Variants in PHKA2 observed in about 807,000 individuals in gnomAD.
PHKA2 encodes phosphorylase kinase regulatory subunit alpha 2.
Under a neutral mutation model 102.0 loss-of-function variants are expected in PHKA2, and 31 were observed. That is an observed-to-expected ratio of 0.30 (90% CI 0.23 to 0.41). The LOEUF is 0.41. PHKA2 is among the 10% of genes least tolerant of loss of function. The probability of loss-of-function intolerance (pLI) is 1.00; values close to 1 mark genes in which losing one functional copy is unlikely to be tolerated. For synonymous variants in PHKA2, 455 were observed against 416.2 expected (o/e 1.09, Z -1.13); for missense variants, 858 against 1,023.1 (o/e 0.84, Z 2.20).
rs151240321 is a variant in PHKA2, at chrX:18,918,730, C to T, written c.2088G>A (p.Thr696=). 6.5e-5 allele frequency: 79 copies of T among 1,208,974 alleles called. No homozygotes were observed. The highest frequency in any genetic ancestry group is 8.3e-5 in the Non-Finnish European group (74 of 894,164). The stretch of plus-strand genomic sequence containing the variant: ...TTGCCATCACAGAAAGTATGTCCCG[C>T]GTGGAGTGGATAGCACTGAAGACAT... ...DRHVFSAIHS[T]RDILSVMAKA... The change falls in exon 19 of 33, where the codon ACG becomes ACA. Residue 696 remains threonine (T), a synonymous_variant. Coordinates refer to ENST00000379942, the MANE Select transcript of PHKA2 (RefSeq NM_000292.3).
intron 1 of PHKA2, among the ~76,000 whole-genome samples, 194 bp from the exon 2 acceptor site, chrX:18,954,606 A>C (rs2048747802): frequency 8.9e-6 from 1 of 112,308 alleles, no homozygotes; most frequent in African/African-American, 3.2e-5. Flanking sequence ...TAGTTTCCTC[A>C]CTTGTATAAT....
At chrX:18,911,656 C>T (rs928349815) in intron 19 of PHKA2, among the ~76,000 whole-genome samples, 5 of 112,084 alleles carry the variant, frequency 4.5e-5, no homozygotes, top group African/African-American at 1.6e-4. Context: ...CTAACACAAA[C>T]CAACAGAAGG....
chrX:18,902,627 G>A (rs955466034), intron 26 of PHKA2, among the ~76,000 whole-genome samples: 2 of 110,163 alleles, frequency 1.8e-5, no homozygotes, highest in Non-Finnish European at 3.8e-5. Context: ...TGGGCGTGGT[G>A]GCACATGCCT....
At chrX:18,937,479 T>C (rs946071085) in intron 10 of PHKA2, among the ~76,000 whole-genome samples, 11 of 111,433 alleles carry the variant, frequency 9.9e-5, no homozygotes, top group Admixed American at 5.7e-4. Flanking sequence ...CATGCTGTTA[T>C]AGTTGTGGGT....
intron 26 of PHKA2, 103 bp from the exon 27 acceptor site, chrX:18,901,706 T>G (rs1399149659): frequency 1.8e-6 from 1 of 570,586 alleles, no homozygotes. Context: ...GGGCCTTCTC[T>G]GCCTGGCCAG....
chrX:18,897,214 G>A lies in PHKA2; in HGVS notation c.3231C>T (p.Ile1077=), dbSNP rs771359181. 1.2e-5 allele frequency: 14 copies of A among 1,209,506 alleles called. No individual in the cohort carries two copies. The Middle Eastern group carries it at 6.9e-4, about 59-fold the overall frequency. ...GGTAGAATCCCACGGGGACCCTGTT[G>A]ATGGCCCCATCCAGCCTTCTCCTGC... ...WLRRRRLDGA[I]NRVPVGFYQR... Residue 1077 remains isoleucine, a synonymous_variant, in exon 30 of 33, where the codon ATC becomes ATT. Transcript: ENST00000379942.
intron 28 of PHKA2, among the ~76,000 whole-genome samples, chrX:18,899,714 T>C (rs371472738): frequency 7.6e-5 from 8 of 105,649 alleles, no homozygotes; most frequent in African/African-American, 2.8e-4. Flanking sequence ...ACATAAGTAT[T>C]TCCTCGTCTA....
At position 18,972,406 on chromosome X, in the gene PHKA2, T is replaced by C. The variant is rs762342914; in HGVS notation, c.78+11449A>G. 9.5e-4 allele frequency among the ~76,000 whole-genome samples: 107 copies of C among 112,332 alleles called. 1 individual carries two copies. Among genetic ancestry groups the C allele is most frequent in the African/African-American group, 3.3e-3 (103 of 30,948 alleles). On this transcript the variant is annotated intron_variant, in intron 1 of 32. Transcript: ENST00000379942. ...GCCCCTTACTACAGCATGTGAATTTTAGGATCAATTTCCCTGAAAAAGTCT... is the reference window on the plus strand; with the variant it reads ...GCCCCTTACTACAGCATGTGAATTTCAGGATCAATTTCCCTGAAAAAGTCT...
chrX:18,972,738 G>A (rs1905646154), intron 1 of PHKA2, among the ~76,000 whole-genome samples: 1 of 111,838 alleles, frequency 8.9e-6, no homozygotes, highest in Admixed American at 9.5e-5. Context: ...AAGCTTGCTT[G>A]AAAAATGGAA....
intron 1 of PHKA2, among the ~76,000 whole-genome samples, chrX:18,968,821 C>T (rs1481334499): frequency 8.9e-6 from 1 of 112,551 alleles, no homozygotes; most frequent in East Asian, 2.8e-4. Context: ...CAAGCTCATA[C>T]ATGTTTCCCC....
intron 28 of PHKA2, among the ~76,000 whole-genome samples, chrX:18,899,510 A>G (rs1024983489): frequency 1.8e-5 from 2 of 112,582 alleles, no homozygotes; most frequent in Non-Finnish European, 3.7e-5. Flanking sequence ...TCATATGTGG[A>G]GGGTGCATCA....
chrX:18,948,737 T>C lies in PHKA2; in HGVS notation c.537+7A>G, dbSNP rs922596862. The C allele has an allele frequency of 4.5e-6, 5 of 1,101,494 alleles. No homozygotes were observed. The African/African-American group carries it at 9.1e-5, about 20-fold the overall frequency. The allele number at this position is 1,101,494 out of a possible 1,213,427, so 90.8% of individuals were successfully genotyped here. The stretch of plus-strand genomic sequence containing the variant: ...CATCTGAAAAGACTACCAGGGTTGA[T>C]ACTTACAGCGACTTTATATGCAGCT... On this transcript the variant is annotated splice_region_variant and intron_variant, in intron 5 of 32. Transcript: ENST00000379942.
At position 18,906,485 on chromosome X, in the gene PHKA2, G is replaced by T; in HGVS notation, c.2806+10C>A. The T allele has an allele frequency of 8.3e-7, 1 of 1,211,626 alleles. No homozygotes were observed. The highest frequency in any genetic ancestry group is 1.1e-6 in the Non-Finnish European group (1 of 895,154). On this transcript the variant is annotated intron_variant, in intron 25 of 32. Coordinates refer to ENST00000379942, the MANE Select transcript of PHKA2 (RefSeq NM_000292.3). ...TGCGGCGGGAGCTGCAGGAGCTGCG[G>T]GCATCTCACCTGAGCAGTTCAGGCT...
In PHKA2 at chrX:18,894,182, C is replaced by T. The variant is rs376158015; in HGVS notation, c.3537+22G>A. On this transcript the variant is annotated intron_variant, in intron 32 of 32. Coordinates refer to ENST00000379942, the MANE Select transcript of PHKA2 (RefSeq NM_000292.3). Reference sequence around the variant, plus strand: ...CTCAACAGAGATAAATGCCAGCCAACCCAGCTCCCTGGCACCCCCACCTGG... The same window carrying T: ...CTCAACAGAGATAAATGCCAGCCAATCCAGCTCCCTGGCACCCCCACCTGG... The T allele has an allele frequency of 1.3e-4, 151 of 1,195,995 alleles. No homozygotes were observed. In the African/African-American group the frequency reaches 2.5e-3, roughly 20 times the overall value.
Position 18,929,295 on chromosome X carries a change from G to A in PHKA2, c.1257C>T (p.Ala419=), listed in dbSNP as rs772692786. 4 of 1,153,433 alleles carry A rather than the reference G, an allele frequency of 3.5e-6. No individual in the cohort carries two copies. Among genetic ancestry groups the A allele is most frequent in the Non-Finnish European group, 4.7e-6 (4 of 855,530 alleles). The change falls in exon 13 of 33, where the codon GCC becomes GCT. Residue 419 remains alanine (A), a synonymous_variant. Coordinates refer to ENST00000379942, the MANE Select transcript of PHKA2 (RefSeq NM_000292.3). ...LSSLLAEGFL[A]AGEIDPLNRR... ...TATTTAAGGGATCGATTTCACCAGC[G>A]GCAAGGAATCCCTATGAAAAGAGGA... is the stretch of plus-strand genomic sequence containing the variant.
chrX:18,957,759 T>A (rs1007124282), intron 1 of PHKA2, among the ~76,000 whole-genome samples: 2 of 105,696 alleles, frequency 1.9e-5, no homozygotes, highest in Non-Finnish European at 3.8e-5. Context: ...TATATATATA[T>A]AATTGTACCC....
intron 1 of PHKA2, among the ~76,000 whole-genome samples, chrX:18,957,738 T>TTTTATATATATATATATATATA (rs1556017565): frequency 2.7e-4 from 26 of 95,141 alleles, no homozygotes; most frequent in African/African-American, 1.0e-3. Flanking sequence ...TAAAACCAGA[T>TTTTATATATATATATATATATA]TATATATATA....
chrX:18,983,945 C>T lies in PHKA2; in HGVS notation c.-13G>A. 1 of 1,201,909 alleles carries T rather than the reference C, an allele frequency of 8.3e-7. No individual in the cohort carries two copies. The highest frequency in any genetic ancestry group is 1.1e-6 in the Non-Finnish European group (1 of 886,203). ...TCCTGCTCCGCATCTCCCCGAGGCT[C>T]CCAGGCCGCAGCGCCCGATCTGCCG... is the stretch of plus-strand genomic sequence containing the variant. On this transcript the variant is annotated 5_prime_UTR_variant, in exon 1 of 33. Coordinates refer to ENST00000379942, the MANE Select transcript of PHKA2 (RefSeq NM_000292.3).
chrX:18,941,126 G>A (rs750296054), intron 8 of PHKA2, among the ~76,000 whole-genome samples: 1 of 112,307 alleles, frequency 8.9e-6, no homozygotes, highest in Non-Finnish European at 1.9e-5. Flanking sequence ...CCTCAAAACA[G>A]GGATTATTTT....
Sources: allele counts gnomAD v4.1 joint callset (sites outside exome capture counted in the v4.1 genomes callset), GRCh38; gene constraint gnomAD v4.1.1; transcripts MANE v1.5; gene names NCBI Gene and HGNC (gene_info 2026-07-23, HGNC 2026-07-21).